ADK: variants seen among roughly 807,000 people sequenced by gnomAD.
ADK encodes adenosine kinase.
A neutral mutation model predicts 44.7 loss-of-function variants in ADK; 24 were observed. The ratio of observed to expected loss-of-function variants is 0.54; its 90% CI spans 0.39 to 0.76. The LOEUF is 0.76. Among genes scored for constraint, ADK ranks in the 30% least tolerant of loss-of-function variants. ADK has a pLI of 0.00. For missense variants in ADK, 321 were observed against 425.1 expected, an observed-to-expected ratio of 0.76 and a Z score of 2.15; for synonymous variants, 128 against 142.6, an observed-to-expected ratio of 0.90 and a Z score of 0.73.
chr10:74,474,493 T>A (rs1198573965), intron 6 of ADK, among the ~76,000 whole-genome samples: 1 of 151,446 alleles, frequency 6.6e-6, no homozygotes, highest in African/African-American at 2.4e-5. Context: ...CTCTCCCCCT[T>A]TCCTCTCCTT....
chr10:74,302,105 G>GTTTTTTTTT (rs1840065150), intron 3 of ADK, among the ~76,000 whole-genome samples: 2 of 88,928 alleles, frequency 2.2e-5, no homozygotes, highest in African/African-American at 1.1e-4. Flanking sequence ...TTTTTTGTTT[G>GTTTTTTTTT]TTTGTTTTTT....
intron 3 of ADK, among the ~76,000 whole-genome samples, chr10:74,271,723 C>G (rs953604510): frequency 1.3e-5 from 2 of 150,564 alleles, no homozygotes; most frequent in Non-Finnish European, 2.9e-5. Context: ...TCATCCATGT[C>G]CCTATAAAGG....
intron 1 of ADK, chr10:74,176,892 G>T (rs970367322): frequency 3.7e-6 from 6 of 1,610,232 alleles, no homozygotes; most frequent in South Asian, 1.1e-5. Context: ...GTCAGGTAAC[G>T]AGCGGGCGGC....
intron 7 of ADK, among the ~76,000 whole-genome samples, chr10:74,550,883 G>A (rs185961544): frequency 6.6e-6 from 1 of 151,988 alleles, no homozygotes; most frequent in Non-Finnish European, 1.5e-5. Flanking sequence ...ACAAGGTCTC[G>A]CTATGTTGCA....
At chr10:74,537,622 A>G (rs1455965341) in intron 7 of ADK, among the ~76,000 whole-genome samples, 1 of 152,186 alleles carries the variant, frequency 6.6e-6, no homozygotes, top group African/African-American at 2.4e-5. Flanking sequence ...CATTTTGCAA[A>G]TGGTTCTTAG....
chr10:74,655,707 G>A (rs1854459986), intron 9 of ADK: 1 of 483,080 alleles, frequency 2.1e-6, no homozygotes, highest in Non-Finnish European at 4.1e-6. Context: ...GCTGCCCAGG[G>A]AGCTGAGCCT....
At chr10:74,222,437 G>A (rs1173714422) in intron 2 of ADK, among the ~76,000 whole-genome samples, 1 of 151,626 alleles carries the variant, frequency 6.6e-6, no homozygotes, top group Non-Finnish European at 1.5e-5. Context: ...TTCAACCATT[G>A]TGGAAGTCAG....
intron 9 of ADK, among the ~76,000 whole-genome samples, chr10:74,615,873 T>A (rs1483957433): frequency 6.6e-6 from 1 of 152,026 alleles, no homozygotes; most frequent in Admixed American, 6.5e-5. Flanking sequence ...CACGCCTGGC[T>A]CATTTTTTTA....
chr10:74,306,057 C>T (rs1194645800), intron 3 of ADK, among the ~76,000 whole-genome samples: 1 of 151,616 alleles, frequency 6.6e-6, no homozygotes, highest in Non-Finnish European at 1.5e-5. Flanking sequence ...TTTTTTTCTG[C>T]ACCGCACTTC....
intron 4 of ADK, among the ~76,000 whole-genome samples, chr10:74,337,680 T>G (rs1841451155): frequency 6.6e-6 from 1 of 152,298 alleles, no homozygotes; most frequent in Non-Finnish European, 1.5e-5. Context: ...TTTTGTATAT[T>G]AATCTGTGTT....
intron 1 of ADK, among the ~76,000 whole-genome samples, chr10:74,175,625 T>A (rs1842304143): frequency 1.3e-5 from 2 of 152,154 alleles, no homozygotes; most frequent in South Asian, 4.1e-4. Flanking sequence ...GATATTGTAG[T>A]CTATTAATAA....
chr10:74,517,270 T>C (rs1415349146), intron 6 of ADK, among the ~76,000 whole-genome samples: 1 of 152,188 alleles, frequency 6.6e-6, no homozygotes, highest in Non-Finnish European at 1.5e-5. Flanking sequence ...TTAAAGCCCA[T>C]CTTCTTTCTA....
intron 1 of ADK, among the ~76,000 whole-genome samples, chr10:74,188,643 C>T (rs890394295): frequency 2.6e-5 from 4 of 152,032 alleles, no homozygotes; most frequent in East Asian, 1.9e-4. Context: ...TGAGCCACTG[C>T]GCCCGGCCAC....
At chr10:74,324,405 C>T (rs1186213794) in intron 4 of ADK, among the ~76,000 whole-genome samples, 3 of 152,140 alleles carry the variant, frequency 2.0e-5, no homozygotes, top group Admixed American at 2.0e-4. Flanking sequence ...TCCTTCTACC[C>T]CTCTAATTAC....
intron 6 of ADK, among the ~76,000 whole-genome samples, chr10:74,405,706 C>G (rs1290259246): frequency 6.6e-6 from 1 of 152,072 alleles, no homozygotes; most frequent in Non-Finnish European, 1.5e-5. Context: ...AACCACGCCT[C>G]CTACCCGTCC....
intron 9 of ADK, chr10:74,656,085 CTT>C: frequency 2.4e-6 from 1 of 414,116 alleles, no homozygotes; most frequent in Non-Finnish European, 4.7e-6. Flanking sequence ...GAAGCACAAA[CTT>C]CTGTGTTCCC....
At chr10:74,195,236 G>A (rs1843086868) in intron 1 of ADK, among the ~76,000 whole-genome samples, 1 of 152,136 alleles carries the variant, frequency 6.6e-6, no homozygotes, top group Non-Finnish European at 1.5e-5. Flanking sequence ...TCACATTCTA[G>A]TAGAACAAGA....
At chr10:74,330,651 G>A (rs1458070443) in intron 4 of ADK, among the ~76,000 whole-genome samples, 1 of 152,144 alleles carries the variant, frequency 6.6e-6, no homozygotes, top group Non-Finnish European at 1.5e-5. Flanking sequence ...GAATTCAACT[G>A]CTATGTTCTT....
In ADK at chr10:74,480,206, T is replaced by TTTTCTTTC. The variant is rs71024511; in HGVS notation, c.556-45034_556-45027dup. On this transcript the variant is annotated intron_variant, in intron 6 of 10. Transcript: ENST00000539909. ...GCTCTTGAAGTCTAAGGCAGCCTAA[T>TTTTCTTTC]TTTCTTTCTTTCTTTCTTTCTTTTT... Among the ~76,000 whole-genome samples, 507 of 142,646 alleles carry TTTTCTTTC rather than the reference T, an allele frequency of 3.6e-3. 3 individuals carry two copies. Among genetic ancestry groups the TTTTCTTTC allele is most frequent in the African/African-American group, 0.01 (389 of 38,772 alleles). 93.6% of individuals were successfully genotyped at this position (142,646 alleles called of 152,430 possible).
Sources: gnomAD v4.1 joint callset for allele counts (sites outside exome capture counted in the v4.1 genomes callset) on GRCh38, gnomAD v4.1.1 for gene constraint, MANE v1.5 for transcripts, NCBI Gene and HGNC (gene_info 2026-07-23, HGNC 2026-07-21) for gene names.